The following RBFOX1 variants were observed in gnomAD, a reference collection of about 807,000 sequenced individuals.
RBFOX1 encodes the protein RNA binding fox-1 homolog 1, also known as RNA binding protein fox-1 homolog 1.
RBFOX1 carries 8 observed loss-of-function variants against 57.7 expected under a neutral mutation model. The ratio of observed to expected loss-of-function variants is 0.14; its 90% CI spans 0.08 to 0.25. The LOEUF (loss-of-function observed/expected upper bound fraction) is 0.25, where lower values mean the gene tolerates loss of function less well. RBFOX1 is among the 10% of genes least tolerant of loss of function. The probability of loss-of-function intolerance (pLI) is 1.00; values close to 1 mark genes in which losing one functional copy is unlikely to be tolerated. For synonymous variants in RBFOX1, 326 were observed against 222.4 expected (o/e 1.47, Z -4.15); for missense variants, 611 against 548.5 (o/e 1.11, Z -1.14).
intron 2 of RBFOX1, among the ~76,000 whole-genome samples, chr16:6,651,862 A>G (rs1176841646): frequency 1.3e-5 from 2 of 152,218 alleles, no homozygotes; most frequent in African/African-American, 4.8e-5. Flanking sequence ...TGGTCTCTCC[A>G]TACAATGCAA....
At chr16:5,624,523 C>T (rs182277520) in intron 3 of RBFOX1, among the ~76,000 whole-genome samples, 229 of 152,328 alleles carry the variant, frequency 1.5e-3, no homozygotes, top group African/African-American at 5.2e-3. Flanking sequence ...AGCTCGTACC[C>T]AGGTGGGGAA....
chr16:7,697,855 G>C (rs1028706706), intron 14 of RBFOX1, among the ~76,000 whole-genome samples: 4 of 152,200 alleles, frequency 2.6e-5, no homozygotes, highest in African/African-American at 9.6e-5. Context: ...CTATTTGGAA[G>C]AGACCCAAGG....
At chr16:6,319,042 C>G (rs533676534) in intron 2 of RBFOX1, among the ~76,000 whole-genome samples, 1 of 152,114 alleles carries the variant, frequency 6.6e-6, no homozygotes, top group South Asian at 2.1e-4. Context: ...GATGATTTGA[C>G]ATCTAAGCTG....
At chr16:5,858,681 C>T (rs940466315) in intron 3 of RBFOX1, among the ~76,000 whole-genome samples, 4 of 152,168 alleles carry the variant, frequency 2.6e-5, no homozygotes, top group African/African-American at 4.8e-5. Flanking sequence ...AAACCTTGTG[C>T]GTTTTCTAGA....
intron 3 of RBFOX1, among the ~76,000 whole-genome samples, chr16:6,773,585 T>TTGTG (rs113691022): frequency 8.0e-6 from 1 of 125,398 alleles, no homozygotes; most frequent in Admixed American, 8.0e-5. Context: ...TGGGGTGCAT[T>TTGTG]TGTGTGTGTG....
At chr16:6,690,714 A>C (rs1237615610) in intron 3 of RBFOX1, among the ~76,000 whole-genome samples, 1 of 148,050 alleles carries the variant, frequency 6.8e-6, no homozygotes, top group Non-Finnish European at 1.5e-5. Context: ...AATATTTCTA[A>C]CTCCAGGATA....
chr16:5,806,319 G>A (rs565038047), intron 3 of RBFOX1, among the ~76,000 whole-genome samples: 20 of 152,322 alleles, frequency 1.3e-4, no homozygotes, highest in Admixed American at 5.2e-4. Context: ...GGCATTTGGC[G>A]TCTGGTGAGG....
intron 2 of RBFOX1, among the ~76,000 whole-genome samples, chr16:5,481,536 G>T (rs1226549755): frequency 6.6e-6 from 1 of 152,152 alleles, no homozygotes; most frequent in Non-Finnish European, 1.5e-5. Context: ...AATGATAAAA[G>T]TTGTGTTGTT....
intron 4 of RBFOX1, among the ~76,000 whole-genome samples, chr16:7,487,047 C>G (rs1324098881): frequency 3.9e-5 from 6 of 152,138 alleles, no homozygotes; most frequent in Admixed American, 3.3e-4. Context: ...TTACAGGTAC[C>G]TGCCATCATG....
intron 4 of RBFOX1, among the ~76,000 whole-genome samples, chr16:7,316,973 C>CACACACACACACACAA (rs2096454831): frequency 6.6e-6 from 1 of 151,234 alleles, no homozygotes; most frequent in African/African-American, 2.4e-5. Flanking sequence ...AACACACACA[C>CACACACACACACACAA]ACACACACAC....
At chr16:6,563,097 C>T (rs1010212488) in intron 2 of RBFOX1, among the ~76,000 whole-genome samples, 1 of 152,020 alleles carries the variant, frequency 6.6e-6, no homozygotes, top group Non-Finnish European at 1.5e-5. Context: ...CTTCCAAGTG[C>T]TGTTTCCCCA....
intron 1 of RBFOX1, among the ~76,000 whole-genome samples, chr16:6,130,573 A>G (rs190863280): frequency 6.6e-6 from 1 of 152,178 alleles, no homozygotes; most frequent in Non-Finnish European, 1.5e-5. Context: ...CCACTTAAAG[A>G]GCAGAGATTG....
chr16:7,463,882 A>C (rs1047425381), intron 4 of RBFOX1, among the ~76,000 whole-genome samples: 23 of 152,192 alleles, frequency 1.5e-4, no homozygotes, highest in African/African-American at 5.5e-4. Flanking sequence ...TCCCCATCAC[A>C]GAAGAGCAAA....
chr16:6,561,454 A>T (rs748108602), intron 2 of RBFOX1, among the ~76,000 whole-genome samples: 5 of 152,224 alleles, frequency 3.3e-5, no homozygotes, highest in Non-Finnish European at 7.3e-5. Context: ...AGGCTGTAAC[A>T]GTTCTGAGGA....
intron 1 of RBFOX1, among the ~76,000 whole-genome samples, chr16:6,218,168 A>T (rs994498718): frequency 6.6e-6 from 1 of 152,190 alleles, no homozygotes; most frequent in Non-Finnish European, 1.5e-5. Flanking sequence ...GCCCACGTGC[A>T]TTTTCAGTAG....
intron 3 of RBFOX1, among the ~76,000 whole-genome samples, chr16:5,859,955 C>T (rs1399978011): frequency 6.6e-6 from 1 of 152,188 alleles, no homozygotes; most frequent in African/African-American, 2.4e-5. Flanking sequence ...AGCCTGGGCT[C>T]CCGTGGGACT....
intron 14 of RBFOX1, among the ~76,000 whole-genome samples, chr16:7,680,497 C>T (rs537522110): frequency 1.3e-5 from 2 of 152,234 alleles, no homozygotes; most frequent in South Asian, 2.1e-4. Flanking sequence ...CGCCTAGAGA[C>T]GGAAGCAAGA....
At chr16:7,060,508 G>T (rs937778850) in intron 4 of RBFOX1, among the ~76,000 whole-genome samples, 3 of 152,164 alleles carry the variant, frequency 2.0e-5, no homozygotes, top group African/African-American at 4.8e-5. Flanking sequence ...AAGGCTTCCA[G>T]TTAAATACCT....
At chr16:5,523,058 T>C (rs2151748303) in intron 2 of RBFOX1, among the ~76,000 whole-genome samples, 1 of 152,088 alleles carries the variant, frequency 6.6e-6, no homozygotes, top group African/African-American at 2.4e-5. Context: ...GAGGCTGAGC[T>C]GGGTGGATCA....
Sources: gnomAD v4.1 joint callset for allele counts (sites outside exome capture counted in the v4.1 genomes callset) on GRCh38, gnomAD v4.1.1 for gene constraint, MANE v1.5 for transcripts, NCBI Gene and HGNC (gene_info 2026-07-23, HGNC 2026-07-21) for gene names.